The following SLC41A3 variants were observed in gnomAD, a reference collection of about 807,000 sequenced individuals.
SLC41A3 encodes solute carrier family 41 member 3.
A neutral mutation model predicts 45.4 loss-of-function variants in SLC41A3; 44 were observed. That is an observed-to-expected ratio of 0.97 (90% CI 0.76 to 1.25). The LOEUF is 1.25. SLC41A3 is among the 50% of genes most tolerant of loss of function. The pLI, the probability that SLC41A3 is intolerant of heterozygous loss-of-function variation, is 0.00. For synonymous variants in SLC41A3, 256 were observed against 252.4 expected, an observed-to-expected ratio of 1.01 and a Z score of -0.13; for missense variants, 550 against 600.6, an observed-to-expected ratio of 0.92 and a Z score of 0.88.
Position 126,022,870 on chromosome 3 carries a change from C to A in SLC41A3, c.661G>T (p.Ala221Ser). ...CCCAGGCTGGCTGCAATGGGCGTGG[C>A]AATGTTGTCTGGGTTGACCCCGAGC... ...RKLGVNPDNI[A>S]TPIAASLGDL... is the part of the protein sequence containing the mutation. Residue 221 changes from alanine to serine, a missense_variant, in exon 6 of 11, where the codon GCC becomes TCC. Transcript: ENST00000360370. 1.2e-6 allele frequency: 2 copies of A among 1,614,212 alleles called. No individual in the cohort carries two copies. Among genetic ancestry groups the A allele is most frequent in the African/African-American group, 2.7e-5 (2 of 75,038 alleles).
chr3:126,018,342 A>T (rs1940515718), intron 6 of SLC41A3, among the ~76,000 whole-genome samples: 1 of 152,186 alleles, frequency 6.6e-6, no homozygotes, highest in South Asian at 2.1e-4. Context: ...ACCCATATAC[A>T]AATCTTCTTG....
At position 126,012,858 on chromosome 3, in the gene SLC41A3, A is replaced by G. The variant is rs1939864286; in HGVS notation, c.971-109T>C. On this transcript the variant is annotated intron_variant, in intron 8 of 10. Coordinates refer to ENST00000360370, the MANE Select transcript of SLC41A3 (RefSeq NM_017836.4). ...GGAAGTCTTCTTTGGTTAATTCAGT[A>G]TTTCATTATCTTTTCCTTTCCTCCC... 4 of 1,487,912 alleles carry G rather than the reference A, an allele frequency of 2.7e-6. No homozygotes were observed. In the Admixed American group the frequency reaches 6.0e-5, roughly 22 times the overall value. 92.2% of individuals were successfully genotyped at this position (1,487,912 alleles called of 1,614,324 possible).
At chr3:126,050,854 C>A in intron 3 of SLC41A3, 89 bp downstream of exon 3, 4 of 1,474,286 alleles carry the variant, frequency 2.7e-6, no homozygotes, top group Non-Finnish European at 3.6e-6. Context: ...GAGAATCCAA[C>A]CCACCGCCCA....
chr3:126,057,966 A>G (rs1304574432), intron 2 of SLC41A3: 1 of 152,140 alleles, frequency 6.6e-6, no homozygotes, highest in African/African-American at 2.4e-5. Context: ...GTCAGTTTCT[A>G]GGCATGGATC....
chr3:126,050,301 T>A (rs566281455), intron 3 of SLC41A3, among the ~76,000 whole-genome samples: 1 of 152,256 alleles, frequency 6.6e-6, no homozygotes, highest in South Asian at 2.1e-4. Flanking sequence ...CAACCTCCTC[T>A]TGCCACAGTC....
At chr3:126,038,131 T>A (rs567871285) in intron 3 of SLC41A3, among the ~76,000 whole-genome samples, 1 of 152,070 alleles carries the variant, frequency 6.6e-6, no homozygotes, top group East Asian at 1.9e-4. Flanking sequence ...TTTCAAAGGA[T>A]GTATGTGAAA....
At chr3:126,036,146 C>T (rs910867813) in intron 3 of SLC41A3, among the ~76,000 whole-genome samples, 5 of 152,198 alleles carry the variant, frequency 3.3e-5, no homozygotes, top group Admixed American at 6.5e-5. Context: ...ATCCTGTCTC[C>T]GTTCTAGATT....
At position 126,016,746 on chromosome 3, in the gene SLC41A3, G is replaced by A. The variant is rs1296547602; in HGVS notation, c.875C>T (p.Ala292Val). The A allele has an allele frequency of 5.6e-6, 9 of 1,610,922 alleles. No homozygotes were observed. The highest frequency in any genetic ancestry group is 2.2e-5 in the South Asian group (2 of 90,314). ...LKFGWFPIILAMVISSFGGLI... is the reference protein window; with the variant it reads ...LKFGWFPIILVMVISSFGGLI... ...TCCTGCTCACCTGCTGATGACCATG[G>A]CCAGGATGATTGGGAACCAGCCAAA... The change falls in exon 7 of 11, where the codon GCC (alanine) becomes GTC (valine). Residue 292 changes from alanine to valine, a missense_variant. By Grantham distance (64) the Ala-to-Val change is moderately conservative. Transcript: ENST00000360370.
In SLC41A3 at chr3:126,006,617, A is replaced by G; in HGVS notation, c.*399T>C. ...CTCAAGAGTTCTGAGGCTTGGGAAC[A>G]GAAAAGAGCTCCTTCCTGCTCCACC... is the stretch of plus-strand genomic sequence containing the variant. On this transcript the variant is annotated 3_prime_UTR_variant, in exon 11 of 11. Coordinates refer to ENST00000360370, the MANE Select transcript of SLC41A3 (RefSeq NM_017836.4). 1 of 1,560,264 alleles carries G rather than the reference A, an allele frequency of 6.4e-7. No individual in the cohort carries two copies. Among genetic ancestry groups the G allele is most frequent in the Non-Finnish European group, 8.6e-7 (1 of 1,160,494 alleles).
rs145771717 is a variant in SLC41A3 at position 126,099,574 on chromosome 3, C to T, written c.-79+1855G>A. Among the ~76,000 whole-genome samples the T allele has an allele frequency of 1.4e-3, 220 of 152,174 alleles. 1 individual carries two copies. The highest frequency in any genetic ancestry group is 5.1e-3 in the African/African-American group (213 of 41,522). On this transcript the variant is annotated intron_variant, in intron 1 of 9. Coordinates refer to the SLC41A3 transcript ENST00000508835. ...TAAAAATACAAAAATTAGCCAGGCACCTGTAGTCTCAGCTACTCGGGAGGC... is the reference window on the plus strand; with the variant it reads ...TAAAAATACAAAAATTAGCCAGGCATCTGTAGTCTCAGCTACTCGGGAGGC...
At position 126,033,655 on chromosome 3, in the gene SLC41A3, GTCA is replaced by G; in HGVS notation, c.402_404del (p.Asp135del). On this transcript the variant is annotated inframe_deletion, in exon 4 of 11. Transcript: ENST00000360370. ...TGATGACTCTGTGCTGCTCCTGGGG[GTCA>G]TCAATTTGTCCAGTGTTGGCCTAGA... The G allele has an allele frequency of 6.2e-7, 1 of 1,613,098 alleles. No individual in the cohort carries two copies. The highest frequency in any genetic ancestry group is 1.1e-5 in the South Asian group (1 of 90,438).
In SLC41A3 at chr3:126,052,765, G is replaced by A. The variant is rs534629201; in HGVS notation, c.274-1715C>T. Among the ~76,000 whole-genome samples the A allele has an allele frequency of 7.9e-5, 12 of 152,008 alleles. 1 individual carries two copies. The highest frequency in any genetic ancestry group is 5.8e-4 in the East Asian group (3 of 5,168). ...CCAACCTCACTATCCACCCCATCTC[G>A]GCCCCTCTTCTTCCTCCTGACCATG... is the stretch of plus-strand genomic sequence containing the variant. On this transcript the variant is annotated intron_variant, in intron 2 of 10. Coordinates refer to ENST00000360370, the MANE Select transcript of SLC41A3 (RefSeq NM_017836.4).
intron 1 of SLC41A3, among the ~76,000 whole-genome samples, chr3:126,077,940 G>A (rs1236636840): frequency 2.6e-5 from 4 of 152,210 alleles, no homozygotes; most frequent in African/African-American, 9.6e-5. Context: ...CTCGGTGGCA[G>A]GAACGGTGCC....
intron 1 of SLC41A3, among the ~76,000 whole-genome samples, chr3:126,100,844 C>T (rs1428775140): frequency 2.0e-5 from 3 of 152,302 alleles, no homozygotes; most frequent in Non-Finnish European, 2.9e-5. Flanking sequence ...TACAACCACA[C>T]TCCGGGTTTG....
chr3:126,012,665 AG>A lies in SLC41A3; in HGVS notation c.1054del (p.Leu352SerfsTer3). On this transcript the variant is annotated frameshift_variant, in exon 9 of 11. Coordinates refer to ENST00000360370, the MANE Select transcript of SLC41A3 (RefSeq NM_017836.4). LOFTEE classifies it high-confidence loss of function. ...GTTGGGCCAGAATTTCTTCATCTGG[AG>A]GGGCAGGACGCCAGGTGCACTCCAC... ...HMWSAPGVLP[L>X]QMKKFWPNPC... is the part of the protein sequence containing the mutation. 1 of 1,614,136 alleles carries A rather than the reference AG, an allele frequency of 6.2e-7. No individual in the cohort carries two copies. Among genetic ancestry groups the A allele is most frequent in the Non-Finnish European group, 8.5e-7 (1 of 1,180,032 alleles).
At chr3:126,017,648 G>A (rs934822956) in intron 6 of SLC41A3, among the ~76,000 whole-genome samples, 1 of 152,296 alleles carries the variant, frequency 6.6e-6, no homozygotes, top group Admixed American at 6.5e-5. Context: ...TAGAGTGGTC[G>A]TCTCACCCTC....
Position 126,007,233 on chromosome 3 carries a change from A to G in SLC41A3, c.1255-8T>C, listed in dbSNP as rs1397813831. On this transcript the variant is annotated splice_polypyrimidine_tract_variant and splice_region_variant and intron_variant, in intron 10 of 10. Coordinates refer to ENST00000360370, the MANE Select transcript of SLC41A3 (RefSeq NM_017836.4). Reference sequence around the variant, plus strand: ...GTACAGCAGGATTGTCACCTGTCAGAAGGGCAAAGAGACACAAAAGAAGAC... The same window carrying G: ...GTACAGCAGGATTGTCACCTGTCAGGAGGGCAAAGAGACACAAAAGAAGAC... 6.2e-7 allele frequency: 1 copy of G among 1,613,122 alleles called. No homozygotes were observed. The highest frequency in any genetic ancestry group is 1.3e-5 in the African/African-American group (1 of 74,908).
At position 126,068,103 on chromosome 3, in the gene SLC41A3, A is replaced by G; in HGVS notation, c.117T>C (p.Ala39=). 1 of 1,613,398 alleles carries G rather than the reference A, an allele frequency of 6.2e-7. No individual in the cohort carries two copies. ...GGLPVASEDG[A]LRAPESQSVT... is the part of the protein sequence containing the mutation. ...CGCTTTGGCTCTCAGGGGCCCTGAG[A>G]GCTCCATCTTCTGAGGCTACAGGGA... The change falls in exon 2 of 11, where the codon GCT becomes GCC. Residue 39 remains alanine (A), a synonymous_variant. Transcript: ENST00000360370.
intron 1 of SLC41A3, among the ~76,000 whole-genome samples, chr3:126,072,082 C>T (rs2365010): frequency 3.3e-5 from 5 of 152,018 alleles, no homozygotes; most frequent in Non-Finnish European, 7.4e-5. Flanking sequence ...AGCCCATACT[C>T]TTAAATAAGT....
Sources: allele counts gnomAD v4.1 joint callset (sites outside exome capture counted in the v4.1 genomes callset), GRCh38; gene constraint gnomAD v4.1.1; transcripts MANE v1.5; gene names NCBI Gene and HGNC (gene_info 2026-07-23, HGNC 2026-07-21).